Variants in STK32B observed in about 807,000 individuals in gnomAD.
The protein encoded by STK32B is serine/threonine kinase 32B.
Under a neutral mutation model 52.6 loss-of-function variants are expected in STK32B, and 43 were observed. The ratio of observed to expected loss-of-function variants is 0.82; its 90% CI spans 0.64 to 1.05. The LOEUF is 1.05. STK32B is among the 50% of genes least tolerant of loss of function. The pLI is 0.00. For missense variants in STK32B, 621 were observed against 534.6 expected (o/e 1.16, Z -1.59); for synonymous variants, 238 against 204.3 (o/e 1.17, Z -1.41).
intron 1 of STK32B, among the ~76,000 whole-genome samples, chr4:5,089,025 C>T (rs1398937538): frequency 2.0e-5 from 3 of 151,678 alleles, no homozygotes; most frequent in South Asian, 4.2e-4. Flanking sequence ...TGGAAGAGGT[C>T]TACAAAATTG....
intron 9 of STK32B, among the ~76,000 whole-genome samples, chr4:5,465,504 T>G (rs1322539089): frequency 6.6e-6 from 1 of 151,990 alleles, no homozygotes; most frequent in Non-Finnish European, 1.5e-5. Flanking sequence ...TTCTTGTAAA[T>G]TGGGTTCAAG....
At chr4:5,174,575 G>T (rs1719672730) in intron 3 of STK32B, among the ~76,000 whole-genome samples, 1 of 152,134 alleles carries the variant, frequency 6.6e-6, no homozygotes, top group Non-Finnish European at 1.5e-5. Flanking sequence ...TAGTTTGGCG[G>T]GATATGAAAT....
intron 1 of STK32B, among the ~76,000 whole-genome samples, chr4:5,082,871 T>C (rs1712515280): frequency 6.6e-6 from 1 of 152,272 alleles, no homozygotes; most frequent in Non-Finnish European, 1.5e-5. Context: ...TGCATAGATA[T>C]TTTGAAAATG....
At chr4:5,151,795 T>A (rs1351792955) in intron 2 of STK32B, among the ~76,000 whole-genome samples, 2 of 152,158 alleles carry the variant, frequency 1.3e-5, no homozygotes, top group African/African-American at 4.8e-5. Context: ...ATCTGTAAAA[T>A]GGAAAGGGAA....
intron 3 of STK32B, among the ~76,000 whole-genome samples, chr4:5,317,387 A>G: frequency 6.0e-5 from 1 of 16,654 alleles, no homozygotes; most frequent in Non-Finnish European, 1.0e-4. Flanking sequence ...TATATTACAT[A>G]TATATAATAT....
At chr4:5,092,810 T>TC (rs1713167000) in intron 1 of STK32B, among the ~76,000 whole-genome samples, 1 of 151,918 alleles carries the variant, frequency 6.6e-6, no homozygotes, top group South Asian at 2.1e-4. Context: ...TCCAATCACC[T>TC]CCCACCCGGT....
intron 3 of STK32B, among the ~76,000 whole-genome samples, chr4:5,170,491 G>A (rs1305668121): frequency 6.6e-6 from 1 of 151,562 alleles, no homozygotes; most frequent in Non-Finnish European, 1.5e-5. Context: ...TCTGGAGTGT[G>A]ATGTTCCCCT....
At chr4:5,323,341 A>G (rs1312273028) in intron 3 of STK32B, among the ~76,000 whole-genome samples, 2 of 152,128 alleles carry the variant, frequency 1.3e-5, no homozygotes, top group Admixed American at 1.3e-4. Context: ...AGCAGACAGG[A>G]GTGTAAGCCC....
intron 4 of STK32B, among the ~76,000 whole-genome samples, chr4:5,352,006 A>G (rs942988735): frequency 3.3e-5 from 5 of 152,128 alleles, no homozygotes; most frequent in Non-Finnish European, 5.9e-5. Context: ...TTCACTGCCA[A>G]ATTATACCAA....
At chr4:5,356,791 G>A (rs973063555) in intron 4 of STK32B, among the ~76,000 whole-genome samples, 3 of 152,116 alleles carry the variant, frequency 2.0e-5, no homozygotes, top group Admixed American at 2.0e-4. Context: ...GGGGTCAGGA[G>A]TTCGAGACCA....
intron 1 of STK32B, among the ~76,000 whole-genome samples, chr4:5,062,669 C>T (rs188398485): frequency 1.9e-3 from 285 of 151,990 alleles, no homozygotes; most frequent in African/African-American, 5.9e-3. Context: ...CCACCATGCC[C>T]CGCTAATTTC....
chr4:5,182,922 A>G (rs1018970308), intron 3 of STK32B, among the ~76,000 whole-genome samples: 2 of 152,160 alleles, frequency 1.3e-5, no homozygotes, highest in Admixed American at 6.6e-5. Flanking sequence ...ACAAGCAGTA[A>G]TATTTTGAAA....
chr4:5,422,102 T>TG (rs1385775129), intron 6 of STK32B, among the ~76,000 whole-genome samples: 4 of 152,228 alleles, frequency 2.6e-5, no homozygotes, highest in Non-Finnish European at 5.9e-5. Flanking sequence ...TTAGAAAAGC[T>TG]TCAGGCCTGA....
chr4:5,331,635 C>T (rs1024667106), intron 4 of STK32B, among the ~76,000 whole-genome samples: 1 of 152,202 alleles, frequency 6.6e-6, no homozygotes, highest in Non-Finnish European at 1.5e-5. Flanking sequence ...CTGGCCTTAT[C>T]TTCTCTGCTC....
chr4:5,442,937 C>G (rs1296831285), intron 6 of STK32B, among the ~76,000 whole-genome samples: 2 of 151,956 alleles, frequency 1.3e-5, no homozygotes, highest in Non-Finnish European at 2.9e-5. Flanking sequence ...TTGGCCCCCA[C>G]TCTCTTCTGG....
At chr4:5,022,639 C>T in the STK32B span, among the ~76,000 whole-genome samples, 8 of 152,318 alleles carry the variant, frequency 5.3e-5, no homozygotes, top group East Asian at 7.7e-4. Context: ...TGTCTTACAT[C>T]GGGCACGGAC....
the STK32B span, among the ~76,000 whole-genome samples, chr4:5,025,075 C>G: frequency 1.3e-5 from 2 of 152,184 alleles, no homozygotes; most frequent in Admixed American, 1.3e-4. Flanking sequence ...GCCAGGTCCT[C>G]CCCAGGCGCC....
chr4:5,181,628 T>C (rs891784884), intron 3 of STK32B, among the ~76,000 whole-genome samples: 2 of 152,262 alleles, frequency 1.3e-5, no homozygotes, highest in Admixed American at 6.5e-5. Flanking sequence ...AATTTTTTGG[T>C]TTGCAGTGTA....
At chr4:5,069,611 T>C (rs930191723) in intron 1 of STK32B, among the ~76,000 whole-genome samples, 2 of 152,222 alleles carry the variant, frequency 1.3e-5, no homozygotes, top group Non-Finnish European at 2.9e-5. Flanking sequence ...TCTTCACCTC[T>C]CTGACCCTCA....
Sources: allele counts gnomAD v4.1 joint callset (sites outside exome capture counted in the v4.1 genomes callset), GRCh38; gene constraint gnomAD v4.1.1; transcripts MANE v1.5; gene names NCBI Gene and HGNC (gene_info 2026-07-23, HGNC 2026-07-21).